MSH3: variants seen among roughly 807,000 people sequenced by gnomAD.
The protein encoded by MSH3 is DNA mismatch repair protein Msh3.
Under a neutral mutation model 123.3 loss-of-function variants are expected in MSH3, and 106 were observed. That is an observed-to-expected ratio of 0.86 (90% CI 0.73 to 1.01). The LOEUF (loss-of-function observed/expected upper bound fraction) is 1.01. Ranked by LOEUF, MSH3 falls within the 50% of genes least tolerant of loss-of-function variation. The pLI is 0.00. For missense variants in MSH3, 1,459 were observed against 1,347.6 expected (o/e 1.08, Z -1.29); for synonymous variants, 515 against 481.4 (o/e 1.07, Z -0.91).
intron 20 of MSH3, among the ~76,000 whole-genome samples, chr5:80,814,970 A>G (rs187938713): frequency 1.3e-5 from 2 of 152,358 alleles, no homozygotes; most frequent in Admixed American, 1.3e-4. Flanking sequence ...TCTTACATGT[A>G]CATTTCTAAA....
chr5:80,657,243 C>T (rs560245628), intron 2 of MSH3, among the ~76,000 whole-genome samples: 1 of 152,222 alleles, frequency 6.6e-6, no homozygotes, highest in South Asian at 2.1e-4. Context: ...GAGTTTAAGA[C>T]CAGCCTGGCC....
intron 18 of MSH3, among the ~76,000 whole-genome samples, chr5:80,789,015 G>A (rs1464190692): frequency 6.6e-6 from 1 of 151,982 alleles, no homozygotes; most frequent in Non-Finnish European, 1.5e-5. Context: ...GCCAGGAAGC[G>A]TTTTGTCATT....
chr5:80,679,910 A>G (rs1442368716), intron 8 of MSH3, among the ~76,000 whole-genome samples: 1 of 152,106 alleles, frequency 6.6e-6, no homozygotes, highest in African/African-American at 2.4e-5. Context: ...ACGAATTTGG[A>G]CTTTGGACTA....
rs140109685 is a variant in MSH3, at chr5:80,719,117, G to A, written c.1341-6336G>A. Reference sequence around the variant, plus strand: ...GGCTGGAGTACAGTGGTGCGATCTCGGCTCAGTGCAACCCCCGCCTCCCAG... The same window carrying A: ...GGCTGGAGTACAGTGGTGCGATCTCAGCTCAGTGCAACCCCCGCCTCCCAG... On this transcript the variant is annotated intron_variant, in intron 8 of 23. Coordinates refer to ENST00000265081, the MANE Select transcript of MSH3 (RefSeq NM_002439.5). Among the ~76,000 whole-genome samples the A allele has an allele frequency of 3.2e-3, 484 of 151,092 alleles. 2 individuals are homozygous for A. Among genetic ancestry groups the A allele is most frequent in the African/African-American group, 0.011 (466 of 41,072 alleles).
At chr5:80,688,410 A>G (rs989416561) in intron 8 of MSH3, among the ~76,000 whole-genome samples, 1 of 152,254 alleles carries the variant, frequency 6.6e-6, no homozygotes, top group Non-Finnish European at 1.5e-5. Context: ...AGTATTATCT[A>G]ACATGATTCT....
At chr5:80,676,894 A>G (rs1749850999) in intron 7 of MSH3, among the ~76,000 whole-genome samples, 1 of 152,218 alleles carries the variant, frequency 6.6e-6, no homozygotes. Context: ...GCTTACCGCC[A>G]GAGTTAACCA....
intron 8 of MSH3, among the ~76,000 whole-genome samples, chr5:80,724,262 A>T (rs1029168559): frequency 6.6e-6 from 1 of 152,274 alleles, no homozygotes; most frequent in African/African-American, 2.4e-5. Context: ...TTCAGCCATT[A>T]AAAAGAAGGA....
chr5:80,813,038 T>C (rs6875230), intron 19 of MSH3, among the ~76,000 whole-genome samples: 15 of 152,198 alleles, frequency 9.9e-5, no homozygotes, highest in African/African-American at 3.4e-4. Context: ...GAAAATTAAG[T>C]TGTTGCAAGA....
chr5:80,667,153 G>A (rs1289680223), intron 3 of MSH3, among the ~76,000 whole-genome samples: 1 of 151,838 alleles, frequency 6.6e-6, no homozygotes, highest in African/African-American at 2.4e-5. Context: ...CATCCCATAA[G>A]GATAAAACTT....
At position 80,724,400 on chromosome 5, in the gene MSH3, T is replaced by C. The variant is rs141530748; in HGVS notation, c.1341-1053T>C. 9.4e-3 allele frequency among the ~76,000 whole-genome samples: 1,433 copies of C among 152,298 alleles called. 14 individuals are homozygous for C. The highest frequency in any genetic ancestry group is 0.015 in the Non-Finnish European group (1,012 of 68,030). Reference sequence around the variant, plus strand: ...AGTAATATATAATGAGCATATATTATATATGCTTGTGTATGACCAAAATAT... The same window carrying C: ...AGTAATATATAATGAGCATATATTACATATGCTTGTGTATGACCAAAATAT... On this transcript the variant is annotated intron_variant, in intron 8 of 23. Transcript: ENST00000265081.
intron 8 of MSH3, among the ~76,000 whole-genome samples, chr5:80,714,954 A>G (rs1298612741): frequency 1.3e-5 from 2 of 152,206 alleles, no homozygotes; most frequent in East Asian, 3.8e-4. Context: ...CTTCAGCACC[A>G]CAGATGGGAG....
Position 80,867,201 on chromosome 5 carries a change from C to A in MSH3, c.3130+2259C>A, listed in dbSNP as rs7729612. Among the ~76,000 whole-genome samples the A allele has an allele frequency of 3.0e-4, 45 of 152,242 alleles. 1 individual carries two copies. In the East Asian group the frequency reaches 4.8e-3, roughly 16 times the overall value. ...GATGCAGTATATATAATCCCATGTT[C>A]CATGACTTCCAGAGGAAGAGTGGGC... is the stretch of plus-strand genomic sequence containing the variant. On this transcript the variant is annotated intron_variant, in intron 22 of 23. Transcript: ENST00000265081.
intron 19 of MSH3, among the ~76,000 whole-genome samples, chr5:80,798,977 A>G (rs1217673163): frequency 1.3e-5 from 2 of 152,136 alleles, no homozygotes; most frequent in African/African-American, 2.4e-5. Flanking sequence ...CTCACATACT[A>G]CTTTTGTTAC....
intron 20 of MSH3, among the ~76,000 whole-genome samples, chr5:80,824,357 G>T (rs1580072491): frequency 6.6e-6 from 1 of 150,588 alleles, no homozygotes; most frequent in Admixed American, 6.6e-5. Context: ...GCGGCTGGCC[G>T]GGTGGGGGCT....
intron 2 of MSH3, among the ~76,000 whole-genome samples, chr5:80,657,129 A>G (rs959494074): frequency 6.6e-6 from 1 of 152,130 alleles, no homozygotes; most frequent in Admixed American, 6.5e-5. Flanking sequence ...TTGTGTATGT[A>G]AAAGGCATTG....
At chr5:80,710,397 A>T (rs562040375) in intron 8 of MSH3, among the ~76,000 whole-genome samples, 1 of 152,338 alleles carries the variant, frequency 6.6e-6, no homozygotes, top group Non-Finnish European at 1.5e-5. Context: ...GTAATATTTT[A>T]TAGCACAATT....
At position 80,670,092 on chromosome 5, in the gene MSH3, G is replaced by T. The variant is rs770150309; in HGVS notation, c.580-5G>T. ...TTAAAACTTTATACATCTTTTGGTT[G>T]CCAGGACACAACACTTTTTGATCTC... On this transcript the variant is annotated splice_region_variant and splice_polypyrimidine_tract_variant and intron_variant, in intron 3 of 23. Coordinates refer to ENST00000265081, the MANE Select transcript of MSH3 (RefSeq NM_002439.5). 5.6e-6 allele frequency: 9 copies of T among 1,613,710 alleles called. No individual in the cohort carries two copies. In the East Asian group the frequency reaches 2.0e-4, roughly 36 times the overall value.
intron 7 of MSH3, 123 bp downstream of exon 7, chr5:80,675,251 A>G (rs1749815527): frequency 8.7e-7 from 1 of 1,143,498 alleles, no homozygotes; most frequent in African/African-American, 1.6e-5. Context: ...TTATACAAGA[A>G]AAACATTTTT....
At chr5:80,720,103 CTT>C (rs1342575767) in intron 8 of MSH3, among the ~76,000 whole-genome samples, 1 of 152,118 alleles carries the variant, frequency 6.6e-6, no homozygotes, top group African/African-American at 2.4e-5. Flanking sequence ...CAGTTTATTT[CTT>C]TGAGTATCTT....
Sources: gnomAD v4.1 joint callset for allele counts (sites outside exome capture counted in the v4.1 genomes callset) on GRCh38, gnomAD v4.1.1 for gene constraint, MANE v1.5 for transcripts, NCBI Gene and HGNC (gene_info 2026-07-23, HGNC 2026-07-21) for gene names.